The following NOS1AP variants were observed in gnomAD, a reference collection of about 807,000 sequenced individuals.
The protein encoded by NOS1AP is nitric oxide synthase 1 adaptor protein.
In NOS1AP, 21 loss-of-function variants were observed where a neutral mutation model predicts 56.2. The observed-to-expected ratio is 0.37, with a 90% CI of 0.26 to 0.54. NOS1AP has a LOEUF of 0.54. Ranked by LOEUF, NOS1AP falls within the 20% of genes least tolerant of loss-of-function variation. NOS1AP has a pLI of 0.84. For missense variants in NOS1AP, 522 were observed against 657.8 expected (o/e 0.79, Z 2.26); for synonymous variants, 270 against 274.6 (o/e 0.98, Z 0.17).
At chr1:162,283,887 C>T (rs1655012170) in intron 2 of NOS1AP, among the ~76,000 whole-genome samples, 1 of 152,210 alleles carries the variant, frequency 6.6e-6, no homozygotes, top group South Asian at 2.1e-4. Context: ...GGCCCGTTGG[C>T]ACAGACTGCA....
In NOS1AP at chr1:162,333,059, C is replaced by T. The variant is rs1354150270; in HGVS notation, c.387C>T (p.Phe129=). The part of the protein sequence containing the change: ...VSHDSQDLKI[F]SYIARDGASN... ...ATGATTCCCAAGACTTGAAGATCTTCAGCTATATCGCTCGAGATGGTGCCA... is the reference window on the plus strand; with the variant it reads ...ATGATTCCCAAGACTTGAAGATCTTTAGCTATATCGCTCGAGATGGTGCCA... The change falls in exon 5 of 10, where the codon TTC becomes TTT. Residue 129 remains phenylalanine, a synonymous_variant. Coordinates refer to ENST00000361897, the MANE Select transcript of NOS1AP (RefSeq NM_014697.3). 6.2e-7 allele frequency: 1 copy of T among 1,613,958 alleles called. No homozygotes were observed. The highest frequency in any genetic ancestry group is 1.1e-5 in the South Asian group (1 of 91,082).
chr1:162,184,129 A>G (rs1651352551), intron 2 of NOS1AP, among the ~76,000 whole-genome samples: 1 of 152,120 alleles, frequency 6.6e-6, no homozygotes, highest in African/African-American at 2.4e-5. Context: ...CCTAATTTCA[A>G]TATTATTGTG....
chr1:162,218,777 C>T (rs1435114534), intron 2 of NOS1AP, among the ~76,000 whole-genome samples: 2 of 152,132 alleles, frequency 1.3e-5, no homozygotes, highest in African/African-American at 4.8e-5. Context: ...CAGCCCCACT[C>T]ACTGCTTGCC....
chr1:162,125,724 C>CT (rs1460804442), intron 1 of NOS1AP, among the ~76,000 whole-genome samples: 1 of 152,038 alleles, frequency 6.6e-6, no homozygotes, highest in Non-Finnish European at 1.5e-5. Flanking sequence ...CAGATTTGTT[C>CT]TTTTTGCTTA....
At chr1:162,273,741 G>C (rs1654658000) in intron 2 of NOS1AP, among the ~76,000 whole-genome samples, 1 of 152,160 alleles carries the variant, frequency 6.6e-6, no homozygotes, top group Non-Finnish European at 1.5e-5. Flanking sequence ...TGTCTGTATA[G>C]ATTCATGTAA....
intron 1 of NOS1AP, among the ~76,000 whole-genome samples, chr1:162,136,502 A>G (rs1165204986): frequency 6.6e-6 from 1 of 152,208 alleles, no homozygotes; most frequent in East Asian, 1.9e-4. Context: ...GGAAAAACAT[A>G]GAACCAGCAG....
intron 1 of NOS1AP, among the ~76,000 whole-genome samples, chr1:162,093,982 A>G (rs1193604729): frequency 2.0e-5 from 3 of 152,190 alleles, no homozygotes; most frequent in East Asian, 3.8e-4. Flanking sequence ...GATGGATTCT[A>G]ATGTTCCTTC....
At chr1:162,271,788 G>A (rs995268242) in intron 2 of NOS1AP, among the ~76,000 whole-genome samples, 7 of 152,214 alleles carry the variant, frequency 4.6e-5, no homozygotes, top group African/African-American at 1.2e-4. Context: ...CTGGAGGCTG[G>A]AAGTCTGAGA....
At chr1:162,242,190 T>A (rs1653507799) in intron 2 of NOS1AP, among the ~76,000 whole-genome samples, 2 of 152,166 alleles carry the variant, frequency 1.3e-5, no homozygotes, top group Admixed American at 1.3e-4. Flanking sequence ...TGAATAGGGT[T>A]TTAAGTGATG....
intron 2 of NOS1AP, among the ~76,000 whole-genome samples, chr1:162,230,335 G>A (rs1366897119): frequency 6.6e-6 from 1 of 152,330 alleles, no homozygotes; most frequent in East Asian, 1.9e-4. Flanking sequence ...ACCAGGAAGA[G>A]AAGCTTTTCC....
intron 1 of NOS1AP, among the ~76,000 whole-genome samples, chr1:162,144,704 C>A (rs914335907): frequency 6.6e-6 from 1 of 152,154 alleles, no homozygotes; most frequent in Admixed American, 6.5e-5. Context: ...CTCTGTGACA[C>A]GAGCCAGAGA....
chr1:162,217,567 G>C (rs1283140802), intron 2 of NOS1AP, among the ~76,000 whole-genome samples: 1 of 152,040 alleles, frequency 6.6e-6, no homozygotes, highest in African/African-American at 2.4e-5. Context: ...GCCTGGCCTT[G>C]TTGTTGGCTT....
chr1:162,199,822 G>T (rs1259155057), intron 2 of NOS1AP, among the ~76,000 whole-genome samples: 1 of 152,162 alleles, frequency 6.6e-6, no homozygotes, highest in African/African-American at 2.4e-5. Flanking sequence ...CAGTGGACTG[G>T]CTTAATTGTT....
At chr1:162,240,209 T>G (rs975364613) in intron 2 of NOS1AP, among the ~76,000 whole-genome samples, 4 of 151,870 alleles carry the variant, frequency 2.6e-5, no homozygotes, top group African/African-American at 9.7e-5. Context: ...CTTCCATGAT[T>G]GGCTCAAGTC....
chr1:162,127,801 A>G (rs1006882719), intron 1 of NOS1AP, among the ~76,000 whole-genome samples: 1 of 152,186 alleles, frequency 6.6e-6, no homozygotes, highest in African/African-American at 2.4e-5. Context: ...ACCCATTCCC[A>G]TGATCCAGTC....
At chr1:162,282,371 G>A (rs376256545) in intron 2 of NOS1AP, among the ~76,000 whole-genome samples, 1 of 152,176 alleles carries the variant, frequency 6.6e-6, no homozygotes, top group African/African-American at 2.4e-5. Flanking sequence ...CCATGTTGTA[G>A]CATATGTCAG....
rs1557867016 is a variant in NOS1AP at position 162,294,228 on chromosome 1, A to AAGGAAGG, written c.271-6404_271-6403insGGAAGGA. On this transcript the variant is annotated intron_variant, in intron 3 of 9. Transcript: ENST00000361897. Reference sequence around the variant, plus strand: ...GGAAGGAAGGAAGGAAGGAAGGAAGAAAGAAAGGAAGGAAGGATAGCAAAA... The same window carrying AAGGAAGG: ...GGAAGGAAGGAAGGAAGGAAGGAAGAAGGAAGGAAGAAAGGAAGGAAGGATAGCAAAA... 7.5e-3 allele frequency among the ~76,000 whole-genome samples: 794 copies of AAGGAAGG among 105,556 alleles called. 8 individuals carry two copies. Among genetic ancestry groups the AAGGAAGG allele is most frequent in the Non-Finnish European group, 7.2e-3 (369 of 50,934 alleles). The allele number at this position is 105,556 out of a possible 152,430, so 69.2% of individuals were successfully genotyped here.
At chr1:162,205,352 G>C (rs1652123499) in intron 2 of NOS1AP, among the ~76,000 whole-genome samples, 1 of 152,230 alleles carries the variant, frequency 6.6e-6, no homozygotes, top group African/African-American at 2.4e-5. Flanking sequence ...TGGATGTTTA[G>C]CTAATGGGGA....
At chr1:162,273,939 A>G (rs1654663813) in intron 2 of NOS1AP, among the ~76,000 whole-genome samples, 1 of 152,196 alleles carries the variant, frequency 6.6e-6, no homozygotes, top group Non-Finnish European at 1.5e-5. Context: ...TTATATGGAT[A>G]TACCACAATT....
Sources: gnomAD v4.1 joint callset for allele counts (sites outside exome capture counted in the v4.1 genomes callset) on GRCh38, gnomAD v4.1.1 for gene constraint, MANE v1.5 for transcripts, NCBI Gene and HGNC (gene_info 2026-07-23, HGNC 2026-07-21) for gene names.